AKR1C4: variants seen among roughly 807,000 people sequenced by gnomAD.
AKR1C4 encodes the protein 3-alpha-HSD1.
A neutral mutation model predicts 41.0 loss-of-function variants in AKR1C4; 44 were observed. The ratio of observed to expected loss-of-function variants is 1.07; its 90% confidence interval spans 0.84 to 1.38. The LOEUF is 1.38. Ranked by LOEUF, AKR1C4 falls within the 40% of genes most tolerant of loss-of-function variation. AKR1C4 has a pLI of 0.00. For missense variants in AKR1C4, 438 were observed against 387.9 expected, an observed-to-expected ratio of 1.13 and a Z score of -1.09; for synonymous variants, 165 against 137.7, an observed-to-expected ratio of 1.20 and a Z score of -1.39.
intron 1 of AKR1C4, among the ~76,000 whole-genome samples, chr10:5,199,865 G>A (rs1554796694): frequency 6.6e-6 from 1 of 152,190 alleles, no homozygotes; most frequent in African/African-American, 2.4e-5. Context: ...TTGCCATAAG[G>A]TAGAGGGTCT....
chr10:5,212,536 T>C, intron 5 of AKR1C4, 80 bp from the exon 6 acceptor site: 1 of 1,267,258 alleles, frequency 7.9e-7, no homozygotes, highest in Non-Finnish European at 1.1e-6. Context: ...AATGTTATAC[T>C]TTATTCAGCT....
chr10:5,218,822 T>C lies in AKR1C4; in HGVS notation c.*62T>C. 6.6e-7 allele frequency: 1 copy of C among 1,506,250 alleles called. No individual in the cohort carries two copies. Among genetic ancestry groups the C allele is most frequent in the Admixed American group, 1.7e-5 (1 of 58,942 alleles). The allele number at this position is 1,506,250 out of a possible 1,614,324, so 93.3% of individuals were successfully genotyped here. On this transcript the variant is annotated 3_prime_UTR_variant, in exon 9 of 9. Transcript: ENST00000263126. Reference sequence around the variant, plus strand: ...TGTGTGTGGATGGTGATGCAGAGGATGTCTCTATGCTGGTGACTGGACACA... The same window carrying C: ...TGTGTGTGGATGGTGATGCAGAGGACGTCTCTATGCTGGTGACTGGACACA...
intron 5 of AKR1C4, chr10:5,207,473 G>T (rs918944845): frequency 1.8e-5 from 7 of 387,566 alleles, no homozygotes; most frequent in South Asian, 1.3e-4. Flanking sequence ...GACTGTTGAT[G>T]TTAACAGGAT....
At chr10:5,210,023 C>T (rs1832547941) in intron 5 of AKR1C4, among the ~76,000 whole-genome samples, 1 of 152,166 alleles carries the variant, frequency 6.6e-6, no homozygotes, top group African/African-American at 2.4e-5. Context: ...CACCTATAAG[C>T]CTGTAAACTC....
At chr10:5,211,393 C>A (rs1249135960) in intron 5 of AKR1C4, among the ~76,000 whole-genome samples, 6 of 152,166 alleles carry the variant, frequency 3.9e-5, no homozygotes, top group Admixed American at 3.9e-4. Flanking sequence ...TGCTTGAATG[C>A]TTTGCTTAGA....
Position 5,205,729 on chromosome 10 carries a change from G to A in AKR1C4, c.370-28G>A, listed in dbSNP as rs781783698. 5 of 1,601,848 alleles carry A rather than the reference G, an allele frequency of 3.1e-6. No homozygotes were observed. The South Asian group carries it at 4.4e-5, about 14-fold the overall frequency. ...CCTATGGGTGGAAAAGTTAAATGGT[G>A]ACACTAAAGTGACTGCTTCTACTTC... On this transcript the variant is annotated intron_variant, in intron 3 of 8. Coordinates refer to ENST00000263126, the MANE Select transcript of AKR1C4 (RefSeq NM_001818.5).
intron 7 of AKR1C4, 46 bp downstream of exon 7, chr10:5,213,205 C>A: frequency 6.2e-7 from 1 of 1,602,666 alleles, no homozygotes; most frequent in South Asian, 1.1e-5. Flanking sequence ...GTGTCCTTCA[C>A]ACGTGTGCTT....
intron 7 of AKR1C4, among the ~76,000 whole-genome samples, chr10:5,215,211 C>T (rs1832637635): frequency 6.6e-6 from 1 of 152,038 alleles, no homozygotes; most frequent in Non-Finnish European, 1.5e-5. Context: ...ATAATTTAGA[C>T]AGTTTGATGG....
chr10:5,209,721 C>T (rs148439755), intron 5 of AKR1C4, among the ~76,000 whole-genome samples: 2,859 of 152,246 alleles, frequency 0.019, 88 homozygotes, highest in African/African-American at 0.065. Flanking sequence ...TCTCATGAGA[C>T]TTATTCACTA....
chr10:5,213,850 T>C (rs1554798207), intron 7 of AKR1C4, among the ~76,000 whole-genome samples: 2 of 152,282 alleles, frequency 1.3e-5, no homozygotes, highest in African/African-American at 2.4e-5. Context: ...GCTTCAAATG[T>C]ATTGTTGAAA....
intron 3 of AKR1C4, 86 bp from the exon 4 acceptor site, chr10:5,205,671 G>A (rs3750567): frequency 0.14 from 164,282 of 1,168,356 alleles, 12,463 homozygotes; most frequent in Admixed American, 0.19. Context: ...ACCTCACGGT[G>A]GATTATTATC....
intron 5 of AKR1C4, among the ~76,000 whole-genome samples, chr10:5,208,360 A>G (rs1289079166): frequency 1.3e-5 from 2 of 151,728 alleles, no homozygotes; most frequent in Non-Finnish European, 2.9e-5. Flanking sequence ...TTTCAATTAA[A>G]AAGGAATTAA....
Position 5,218,823 on chromosome 10 carries a change from G to A in AKR1C4, c.*63G>A. ...GTGTGTGGATGGTGATGCAGAGGAT[G>A]TCTCTATGCTGGTGACTGGACACAC... On this transcript the variant is annotated 3_prime_UTR_variant, in exon 9 of 9. Transcript: ENST00000263126. 5 of 1,498,430 alleles carry A rather than the reference G, an allele frequency of 3.3e-6. No homozygotes were observed. The highest frequency in any genetic ancestry group is 4.6e-6 in the Non-Finnish European group (5 of 1,075,902). The allele number at this position is 1,498,430 out of a possible 1,614,324, so 92.8% of individuals were successfully genotyped here.
At chr10:5,205,735 A>G (rs782600717) in intron 3 of AKR1C4, 22 bp from the exon 4 acceptor site, 5 of 1,608,856 alleles carry the variant, frequency 3.1e-6, no homozygotes, top group East Asian at 2.2e-5. Context: ...TGGTGACACT[A>G]AAGTGACTGC....
At chr10:5,205,333 G>T (rs1364005489) in intron 3 of AKR1C4, among the ~76,000 whole-genome samples, 1 of 152,140 alleles carries the variant, frequency 6.6e-6, no homozygotes, top group Non-Finnish European at 1.5e-5. Context: ...ATTTGAACAT[G>T]TTTAGTTTAT....
intron 2 of AKR1C4, 51 bp downstream of exon 2, chr10:5,200,399 T>C (rs1554796827): frequency 9.0e-6 from 14 of 1,554,134 alleles, no homozygotes; most frequent in Non-Finnish European, 1.2e-5. Context: ...TGGGATTGTG[T>C]GGAGATGACA....
At chr10:5,207,653 C>T (rs138314474) in intron 5 of AKR1C4, 3 of 1,116,734 alleles carry the variant, frequency 2.7e-6, no homozygotes, top group African/African-American at 1.6e-5. Context: ...TTGCAGCCTA[C>T]CTGTGCAATC....
At chr10:5,215,163 T>A (rs782127889) in intron 7 of AKR1C4, among the ~76,000 whole-genome samples, 2 of 152,182 alleles carry the variant, frequency 1.3e-5, no homozygotes, top group African/African-American at 4.8e-5. Context: ...CATGTACTTA[T>A]AAGATTCGGA....
intron 5 of AKR1C4, among the ~76,000 whole-genome samples, chr10:5,211,086 G>C (rs575878948): frequency 6.6e-6 from 1 of 152,332 alleles, no homozygotes; most frequent in South Asian, 2.1e-4. Flanking sequence ...ACACAGAATG[G>C]AGACCCTGGG....
Sources: gnomAD v4.1 joint callset for allele counts (sites outside exome capture counted in the v4.1 genomes callset) on GRCh38, gnomAD v4.1.1 for gene constraint, MANE v1.5 for transcripts, NCBI Gene and HGNC (gene_info 2026-07-23, HGNC 2026-07-21) for gene names.